Variants in KAZN observed in about 807,000 individuals in gnomAD.
The protein encoded by KAZN is kazrin, periplakin interacting protein, also known as kazrin.
Under a neutral mutation model 87.4 loss-of-function variants are expected in KAZN, and 40 were observed. The ratio of observed to expected loss-of-function variants is 0.46; its 90% CI spans 0.36 to 0.60. The LOEUF (loss-of-function observed/expected upper bound fraction) is 0.60, where lower values mean the gene tolerates loss of function less well. KAZN is among the 20% of genes least tolerant of loss of function. The pLI is 0.00. For missense variants in KAZN, 898 were observed against 1,073.9 expected (o/e 0.84, Z 2.29); for synonymous variants, 466 against 458.3 (o/e 1.02, Z -0.22).
chr1:14,094,915 C>A (rs890343794), intron 1 of KAZN, among the ~76,000 whole-genome samples: 9 of 152,168 alleles, frequency 5.9e-5, no homozygotes, highest in Admixed American at 2.0e-4. Context: ...TCTGCAAGTA[C>A]CAGATGAAGA....
chr1:13,985,852 A>C (rs1226772876), intron 1 of KAZN, among the ~76,000 whole-genome samples: 3 of 152,218 alleles, frequency 2.0e-5, no homozygotes, highest in Admixed American at 2.0e-4. Flanking sequence ...TAGCATGAAT[A>C]AGTACTTTAT....
chr1:14,189,898 C>T (rs1322733741), intron 2 of KAZN, among the ~76,000 whole-genome samples: 1 of 152,010 alleles, frequency 6.6e-6, no homozygotes, highest in Non-Finnish European at 1.5e-5. Flanking sequence ...TTTAAACTGC[C>T]CTAAAGCAAG....
intron 2 of KAZN, among the ~76,000 whole-genome samples, chr1:14,585,981 C>T (rs1247862242): frequency 1.3e-5 from 2 of 152,178 alleles, no homozygotes; most frequent in East Asian, 3.8e-4. Flanking sequence ...CAGGTCCCTC[C>T]TGGGAGATCA....
At chr1:14,473,907 C>A (rs1668586478) in intron 2 of KAZN, among the ~76,000 whole-genome samples, 1 of 152,218 alleles carries the variant, frequency 6.6e-6, no homozygotes, top group African/African-American at 2.4e-5. Context: ...AATGCTGGCA[C>A]CTCTGAAAGG....
At chr1:14,278,870 CTCTG>C (rs1007080074) in intron 2 of KAZN, among the ~76,000 whole-genome samples, 1 of 149,200 alleles carries the variant, frequency 6.7e-6, no homozygotes, top group African/African-American at 2.5e-5. Context: ...TTCTTCCCTC[CTCTG>C]TATTTTCTGT....
chr1:14,190,626 A>T (rs1166980690), intron 2 of KAZN, among the ~76,000 whole-genome samples: 4 of 152,256 alleles, frequency 2.6e-5, no homozygotes, highest in African/African-American at 9.6e-5. Flanking sequence ...GAGACTAGAC[A>T]CCAAGATACC....
At chr1:14,664,706 T>C (rs926931791) in intron 1 of KAZN, among the ~76,000 whole-genome samples, 1 of 148,796 alleles carries the variant, frequency 6.7e-6, no homozygotes, top group Non-Finnish European at 1.5e-5. Flanking sequence ...CAGGCTGGAG[T>C]GCATTGGTGT....
intron 1 of KAZN, among the ~76,000 whole-genome samples, chr1:14,867,263 T>C (rs1651570394): frequency 6.6e-6 from 1 of 152,166 alleles, no homozygotes; most frequent in East Asian, 1.9e-4. Context: ...TCTGTTGTTT[T>C]GTGAGATCTG....
chr1:14,869,072 T>C (rs1169711071), intron 1 of KAZN, among the ~76,000 whole-genome samples: 1 of 152,152 alleles, frequency 6.6e-6, no homozygotes, highest in Non-Finnish European at 1.5e-5. Flanking sequence ...GCTAGCACCT[T>C]GGGATGTGTC....
intron 2 of KAZN, among the ~76,000 whole-genome samples, chr1:14,966,259 C>T (rs1203930017): frequency 2.0e-5 from 3 of 152,144 alleles, no homozygotes; most frequent in East Asian, 3.9e-4. Context: ...GGATTACAGG[C>T]GTGAGACACC....
chr1:14,192,217 A>G (rs557836914), intron 2 of KAZN, among the ~76,000 whole-genome samples: 3 of 152,282 alleles, frequency 2.0e-5, no homozygotes, highest in Admixed American at 2.0e-4. Context: ...TCCCCATTTC[A>G]CTTCAACTAG....
intron 1 of KAZN, among the ~76,000 whole-genome samples, chr1:13,938,814 G>T (rs1334995511): frequency 6.6e-6 from 1 of 152,216 alleles, no homozygotes; most frequent in Non-Finnish European, 1.5e-5. Flanking sequence ...CTGTGTGCCT[G>T]CAGGCTTAAC....
chr1:13,940,686 T>C (rs1207221669), intron 1 of KAZN, among the ~76,000 whole-genome samples: 1 of 152,276 alleles, frequency 6.6e-6, no homozygotes, highest in East Asian at 1.9e-4. Context: ...ATTAGTGAAC[T>C]GGAAAATTAA....
intron 1 of KAZN, among the ~76,000 whole-genome samples, chr1:14,721,418 G>A (rs1643097001): frequency 6.6e-6 from 1 of 152,238 alleles, no homozygotes; most frequent in Non-Finnish European, 1.5e-5. Context: ...ATGCTGGACT[G>A]TGAGTCAATT....
chr1:14,039,042 G>A (rs1020782789), intron 1 of KAZN, among the ~76,000 whole-genome samples: 1 of 151,974 alleles, frequency 6.6e-6, no homozygotes, highest in Admixed American at 6.5e-5. Flanking sequence ...ATGGTGGTGT[G>A]TGCCTGTAAT....
At chr1:14,525,989 TG>T (rs1671841548) in intron 2 of KAZN, among the ~76,000 whole-genome samples, 1 of 152,222 alleles carries the variant, frequency 6.6e-6, no homozygotes, top group African/African-American at 2.4e-5. Flanking sequence ...ATTAGGGGGA[TG>T]ATGCCTGGTA....
intron 1 of KAZN, among the ~76,000 whole-genome samples, chr1:14,777,364 T>C (rs1229436506): frequency 4.6e-5 from 7 of 152,198 alleles, no homozygotes; most frequent in Non-Finnish European, 1.0e-4. Context: ...CGCCTCATGA[T>C]ACGTAGCTAA....
intron 1 of KAZN, among the ~76,000 whole-genome samples, chr1:13,923,276 A>G (rs541449816): frequency 3.5e-4 from 54 of 152,214 alleles, no homozygotes; most frequent in African/African-American, 1.3e-3. Flanking sequence ...AATAATAAAG[A>G]AAATATAATT....
chr1:13,934,748 G>C (rs1366130708), intron 1 of KAZN, among the ~76,000 whole-genome samples: 2 of 152,064 alleles, frequency 1.3e-5, no homozygotes, highest in African/African-American at 2.4e-5. Context: ...TCCGGGCATT[G>C]TATTTACTCC....
Sources: allele counts gnomAD v4.1 joint callset (sites outside exome capture counted in the v4.1 genomes callset), GRCh38; gene constraint gnomAD v4.1.1; transcripts MANE v1.5; gene names NCBI Gene and HGNC (gene_info 2026-07-23, HGNC 2026-07-21).